Variants in BICRAL observed in about 807,000 individuals in gnomAD.
The protein encoded by BICRAL is BICRA like chromatin remodeling complex associated protein, also known as BRD4-interacting chromatin-remodeling complex-associated protein-like.
A neutral mutation model predicts 91.8 loss-of-function variants in BICRAL; 8 were observed. The observed-to-expected ratio is 0.09, with a 90% CI of 0.05 to 0.16. BICRAL has a LOEUF of 0.16. BICRAL is among the 10% of genes least tolerant of loss of function. The probability of loss-of-function intolerance (pLI) is 1.00; values close to 1 mark genes in which losing one functional copy is unlikely to be tolerated. For synonymous variants in BICRAL, 445 were observed against 491.1 expected, an observed-to-expected ratio of 0.91 and a Z score of 1.24; for missense variants, 1,038 against 1,310.9, an observed-to-expected ratio of 0.79 and a Z score of 3.21.
chr6:42,859,869 T>A (rs1168727797), intron 10 of BICRAL, among the ~76,000 whole-genome samples: 2 of 151,960 alleles, frequency 1.3e-5, no homozygotes, highest in Non-Finnish European at 2.9e-5. Context: ...ATGGTCTCCA[T>A]CTCCTGACCT....
Position 42,800,835 on chromosome 6 carries a change from G to T in BICRAL, c.-101-9471G>T, listed in dbSNP as rs575839852. Among the ~76,000 whole-genome samples the T allele has an allele frequency of 2.0e-5, 3 of 152,208 alleles. No individual in the cohort carries two copies. The South Asian group carries it at 6.2e-4, about 32-fold the overall frequency. ...TTGTTAACATTGTTATTTTCATAGGGTTTATTTTTCTTGGAACATGCTATA... is the reference window on the plus strand; with the variant it reads ...TTGTTAACATTGTTATTTTCATAGGTTTTATTTTTCTTGGAACATGCTATA... On this transcript the variant is annotated intron_variant, in intron 1 of 12. Coordinates refer to ENST00000314073, the MANE Select transcript of BICRAL (RefSeq NM_001393499.1).
chr6:42,750,974 A>G (rs1357504912), intron 1 of BICRAL, among the ~76,000 whole-genome samples: 1 of 132,188 alleles, frequency 7.6e-6, no homozygotes, highest in Non-Finnish European at 1.5e-5. Context: ...TACATGTGCC[A>G]TGGTGGTTTG....
At chr6:42,759,764 G>A (rs1762518039) in intron 1 of BICRAL, among the ~76,000 whole-genome samples, 1 of 152,278 alleles carries the variant, frequency 6.6e-6, no homozygotes, top group South Asian at 2.1e-4. Context: ...CCTCTTCTGG[G>A]AAGCCTATCT....
chr6:42,817,967 T>TAAAA (rs11396430), intron 2 of BICRAL, among the ~76,000 whole-genome samples: 1 of 107,234 alleles, frequency 9.3e-6, no homozygotes, highest in Non-Finnish European at 1.9e-5. Context: ...ACCCTATCTC[T>TAAAA]AAAAAAAAAA....
At chr6:42,794,309 G>A (rs1457605786) in intron 1 of BICRAL, among the ~76,000 whole-genome samples, 1 of 151,988 alleles carries the variant, frequency 6.6e-6, no homozygotes, top group African/African-American at 2.4e-5. Flanking sequence ...TGACATTTGG[G>A]TAACCATGTT....
chr6:42,792,663 C>CG (rs59555376), intron 1 of BICRAL, among the ~76,000 whole-genome samples: 152,083 of 152,092 alleles, frequency 1, 76,037 homozygotes, highest in Middle Eastern at 1. Flanking sequence ...CTTGTAATCC[C>CG]GCACTTTGGG....
At chr6:42,845,195 G>T (rs933357692) in intron 6 of BICRAL, among the ~76,000 whole-genome samples, 6 of 25,556 alleles carry the variant, frequency 2.3e-4, no homozygotes, top group Non-Finnish European at 3.4e-4. Flanking sequence ...TTTTTTGGGT[G>T]TTTTTTTTTT....
chr6:42,865,046 C>G lies in BICRAL; in HGVS notation c.2840C>G (p.Ser947Trp). ...PEGHRKTSSR[S>W]DHGTESKLSS... ...GGGCACCGGAAAACCTCATCCAGAT[C>G]GGATCATGGTACTGAGAGCAAACTG... The change falls in exon 13 of 13, where the codon TCG becomes TGG. Residue 947 changes from serine (S) to tryptophan (W), a missense_variant. This residue lies in a region of BICRAL where 294 missense variants were observed against 292.6 expected (regional missense o/e 1.00). Transcript: ENST00000314073. 1 of 1,614,058 alleles carries G rather than the reference C, an allele frequency of 6.2e-7. No homozygotes were observed. The highest frequency in any genetic ancestry group is 8.5e-7 in the Non-Finnish European group (1 of 1,180,034).
rs370280741 is a variant in BICRAL at position 42,802,421 on chromosome 6, G to GTT, written c.-101-7877_-101-7876dup. On this transcript the variant is annotated intron_variant, in intron 1 of 12. Coordinates refer to ENST00000314073, the MANE Select transcript of BICRAL (RefSeq NM_001393499.1). The stretch of plus-strand genomic sequence containing the variant: ...ACTTTTGGCTCTTTCAGCTTTTCGT[G>GTT]TTTTTTTTTGTTGTTGTTGTTGTTG... Among the ~76,000 whole-genome samples, 360 of 149,768 alleles carry GTT rather than the reference G, an allele frequency of 2.4e-3. 3 individuals carry two copies. Among genetic ancestry groups the GTT allele is most frequent in the African/African-American group, 8.0e-3 (324 of 40,298 alleles).
intron 6 of BICRAL, among the ~76,000 whole-genome samples, chr6:42,843,028 TA>T (rs1234007673): frequency 6.6e-6 from 1 of 152,092 alleles, no homozygotes; most frequent in African/African-American, 2.4e-5. Flanking sequence ...TAATTTTTTG[TA>T]TTTTTTTAGT....
At chr6:42,817,867 T>C (rs1168801120) in intron 2 of BICRAL, among the ~76,000 whole-genome samples, 1 of 151,284 alleles carries the variant, frequency 6.6e-6, no homozygotes, top group Non-Finnish European at 1.5e-5. Context: ...CAGCTGGTTA[T>C]GGTGGCACAT....
chr6:42,794,396 CAA>C, intron 1 of BICRAL, among the ~76,000 whole-genome samples: 1 of 150,492 alleles, frequency 6.6e-6, no homozygotes. Flanking sequence ...TAATGCCGGA[CAA>C]AATTCACTTA....
chr6:42,758,926 C>G (rs574957942), intron 1 of BICRAL, among the ~76,000 whole-genome samples: 1 of 152,184 alleles, frequency 6.6e-6, no homozygotes, highest in Non-Finnish European at 1.5e-5. Flanking sequence ...TCCAGTGCTT[C>G]CAGCAACAGA....
intron 6 of BICRAL, among the ~76,000 whole-genome samples, chr6:42,838,040 T>TAC (rs1764691364): frequency 6.6e-6 from 1 of 152,212 alleles, no homozygotes; most frequent in African/African-American, 2.4e-5. Context: ...TATGTGTATG[T>TAC]ACACACACAC....
upstream of BICRAL, among the ~76,000 whole-genome samples, chr6:42,779,561 A>G (rs552159806): frequency 1.3e-5 from 2 of 152,340 alleles, no homozygotes; most frequent in Admixed American, 1.3e-4. Context: ...AAACACCTCA[A>G]TGATACTGTG....
chr6:42,807,161 ATATTAT>A (rs879774636), intron 1 of BICRAL, among the ~76,000 whole-genome samples: 1 of 151,528 alleles, frequency 6.6e-6, no homozygotes, highest in South Asian at 2.1e-4. Context: ...ACTCCAGTTC[ATATTAT>A]TATTATTATT....
At chr6:42,794,037 T>C (rs1259235675) in intron 1 of BICRAL, among the ~76,000 whole-genome samples, 3 of 151,918 alleles carry the variant, frequency 2.0e-5, no homozygotes, top group African/African-American at 7.2e-5. Flanking sequence ...GTTACTTGTT[T>C]ATAAATCAGA....
In BICRAL at chr6:42,775,657, C is replaced by CT. The variant is rs548746964; in HGVS notation, c.-260-6173dup. Among the ~76,000 whole-genome samples, 853 of 151,488 alleles carry CT rather than the reference C, an allele frequency of 5.6e-3. 6 individuals carry two copies. The highest frequency in any genetic ancestry group is 0.016 in the African/African-American group (681 of 41,310). On this transcript the variant is annotated intron_variant, in intron 1 of 14. Transcript: ENST00000614467. ...GGAAGGCCAGTGGGAGTGCTGAATG[C>CT]TTTTTTTTTATTATTAACAGCTCTG...
chr6:42,852,997 C>T (rs1030928532), intron 7 of BICRAL, among the ~76,000 whole-genome samples: 4 of 145,302 alleles, frequency 2.8e-5, no homozygotes, highest in Admixed American at 2.2e-4. Flanking sequence ...CCTGGGAGGT[C>T]GAGGCTGCAG....
Sources: allele counts gnomAD v4.1 joint callset (sites outside exome capture counted in the v4.1 genomes callset), GRCh38; gene constraint gnomAD v4.1.1; regional missense constraint gnomAD v4.1.1; transcripts MANE v1.5; gene names NCBI Gene and HGNC (gene_info 2026-07-23, HGNC 2026-07-21).